The following CELSR1 variants were observed in gnomAD, a reference collection of about 807,000 sequenced individuals.
The protein encoded by CELSR1 is adhesion G protein-coupled receptor C1.
In CELSR1, 110 loss-of-function variants were observed where a neutral mutation model predicts 249.1. That is an observed-to-expected ratio of 0.44 (90% CI 0.38 to 0.52). The LOEUF is 0.52. Ranked by LOEUF, CELSR1 falls within the 20% of genes least tolerant of loss-of-function variation. The probability of loss-of-function intolerance (pLI) is 0.00; values close to 1 mark genes in which losing one functional copy is unlikely to be tolerated. For missense variants in CELSR1, 4,109 were observed against 4,296.4 expected, an observed-to-expected ratio of 0.96 and a Z score of 1.22; for synonymous variants, 2,113 against 1,900.0, an observed-to-expected ratio of 1.11 and a Z score of -2.92.
Position 46,399,543 on chromosome 22 carries a change from G to T in CELSR1, c.5412+174C>A, listed in dbSNP as rs1206150376. ...GCATCCGGATGAAGGAGGTGAGGAA[G>T]ATGCCAGTGACCTCAGTACAGGGCA... On this transcript the variant is annotated intron_variant, in intron 10 of 34. Transcript: ENST00000674500. This position sits in a 1 kb window ranked among gnomAD's most constrained non-coding sequence, Gnocchi z 5.0. 6.6e-6 allele frequency among the ~76,000 whole-genome samples: 1 copy of T among 152,230 alleles called. No individual in the cohort carries two copies. Among genetic ancestry groups the T allele is most frequent in the African/African-American group, 2.4e-5 (1 of 41,460 alleles).
intron 1 of CELSR1, among the ~76,000 whole-genome samples, chr22:46,519,872 C>CT (rs369906485): frequency 0.011 from 1,554 of 138,856 alleles, 20 homozygotes; most frequent in African/African-American, 0.019. Context: ...ACCCCTATTG[C>CT]TTTTTTTTTT....
intron 5 of CELSR1, among the ~76,000 whole-genome samples, chr22:46,424,386 T>G (rs1479911967): frequency 6.6e-6 from 1 of 152,180 alleles, no homozygotes; most frequent in East Asian, 1.9e-4. Context: ...GCCTGAAAGT[T>G]ATTTTGATGA....
At chr22:46,520,795 C>T (rs1272176104) in intron 1 of CELSR1, among the ~76,000 whole-genome samples, 1 of 152,070 alleles carries the variant, frequency 6.6e-6, no homozygotes, top group African/African-American at 2.4e-5. Flanking sequence ...GCATGAAGTA[C>T]CTTTACACTG....
chr22:46,455,820 T>TA (rs2079942492), intron 2 of CELSR1, among the ~76,000 whole-genome samples: 2 of 152,322 alleles, frequency 1.3e-5, no homozygotes, highest in African/African-American at 4.8e-5. Flanking sequence ...GAACAGGAGA[T>TA]ATCTGGCTAC....
chr22:46,449,354 C>T (rs549324505), intron 2 of CELSR1, among the ~76,000 whole-genome samples: 1 of 149,876 alleles, frequency 6.7e-6, no homozygotes, highest in East Asian at 2.0e-4. Context: ...ATCCATCCAA[C>T]CACCCATCAC....
chr22:46,458,517 C>A (rs1227654221), intron 2 of CELSR1, among the ~76,000 whole-genome samples: 2 of 152,176 alleles, frequency 1.3e-5, no homozygotes, highest in East Asian at 3.9e-4. Context: ...AGAGGCTGAA[C>A]GTGGGGCCAA....
At position 46,500,969 on chromosome 22, in the gene CELSR1, T is replaced by C. The variant is rs1292524043; in HGVS notation, c.3544+32658A>G. Among the ~76,000 whole-genome samples the C allele has an allele frequency of 6.6e-6, 1 of 152,154 alleles. No homozygotes were observed. ...CCTCCAGAGACCCAAAGATCTGAAA[T>C]GTTAAGATGTTTCCACTAAGAAAAG... On this transcript the variant is annotated intron_variant, in intron 1 of 34. Transcript: ENST00000674500. The surrounding 1 kb of genome is among the most constrained non-coding windows in gnomAD (Gnocchi z 4.9).
Position 46,411,491 on chromosome 22 carries a change from G to T in CELSR1, c.4769+111C>A. On this transcript the variant is annotated intron_variant, in intron 6 of 34. Coordinates refer to ENST00000674500, the MANE Select transcript of CELSR1 (RefSeq NM_001378328.1). The surrounding 1 kb of genome is among the most constrained non-coding windows in gnomAD (Gnocchi z 4.2). ...TCTGACTCTAGCCTGGAATGAGGTCGCCAGGGCACTGCACCCAGAGTGCCT... is the reference window on the plus strand; with the variant it reads ...TCTGACTCTAGCCTGGAATGAGGTCTCCAGGGCACTGCACCCAGAGTGCCT... 1.6e-6 allele frequency: 2 copies of T among 1,264,416 alleles called. No homozygotes were observed. The highest frequency in any genetic ancestry group is 2.2e-6 in the Non-Finnish European group (2 of 918,352). The allele number at this position is 1,264,416 out of a possible 1,614,324, so 78.3% of individuals were successfully genotyped here. A position where few individuals can be genotyped will look rare whatever the true frequency, so the allele number is the denominator to read the frequency against.
intron 1 of CELSR1, among the ~76,000 whole-genome samples, chr22:46,514,522 G>A (rs1056613444): frequency 1.3e-5 from 2 of 152,138 alleles, no homozygotes; most frequent in African/African-American, 4.8e-5. Flanking sequence ...GGGAGTGGGG[G>A]CATGAAGGAT....
At position 46,378,574 on chromosome 22, in the gene CELSR1, C is replaced by T. The variant is rs563327801; in HGVS notation, c.7383+17G>A. The T allele has an allele frequency of 4.5e-6, 7 of 1,552,572 alleles. No individual in the cohort carries two copies. The South Asian group carries it at 5.9e-5, about 13-fold the overall frequency. On this transcript the variant is annotated intron_variant, in intron 23 of 34. Coordinates refer to ENST00000674500, the MANE Select transcript of CELSR1 (RefSeq NM_001378328.1). Reference sequence around the variant, plus strand: ...CGGTAGGCCCAGAGGGCACAGTGGCCACGGGAGGATGCCCACCTCACGCCT... The same window carrying T: ...CGGTAGGCCCAGAGGGCACAGTGGCTACGGGAGGATGCCCACCTCACGCCT...
intron 23 of CELSR1, among the ~76,000 whole-genome samples, chr22:46,377,875 C>T (rs1221539951): frequency 3.3e-5 from 5 of 152,210 alleles, no homozygotes; most frequent in East Asian, 1.9e-4. Flanking sequence ...AAAAAGCCCT[C>T]GGAAAGGACA....
In CELSR1 at chr22:46,502,929, A is replaced by C. The variant is rs1009299970; in HGVS notation, c.3544+30698T>G. 2.0e-5 allele frequency among the ~76,000 whole-genome samples: 3 copies of C among 152,178 alleles called. No individual in the cohort carries two copies. In the East Asian group the frequency reaches 5.8e-4, roughly 29 times the overall value. On this transcript the variant is annotated intron_variant, in intron 1 of 34. Coordinates refer to ENST00000674500, the MANE Select transcript of CELSR1 (RefSeq NM_001378328.1). Reference sequence around the variant, plus strand: ...ATTCCCGGGAGACAGCAAGCTGCACAAGAGTGTGCACCCCGGGAGCAGGTC... The same window carrying C: ...ATTCCCGGGAGACAGCAAGCTGCACCAGAGTGTGCACCCCGGGAGCAGGTC...
intron 5 of CELSR1, among the ~76,000 whole-genome samples, chr22:46,426,959 C>T (rs533037171): frequency 6.6e-6 from 1 of 152,224 alleles, no homozygotes; most frequent in East Asian, 1.9e-4. Context: ...CCAGGCAGCA[C>T]GAATGGGCTG....
In CELSR1 at chr22:46,506,414, T is replaced by C. The variant is rs1334225271; in HGVS notation, c.3544+27213A>G. On this transcript the variant is annotated intron_variant, in intron 1 of 34. Transcript: ENST00000674500. The surrounding 1 kb of genome is among the most constrained non-coding windows in gnomAD (Gnocchi z 4.1). The stretch of plus-strand genomic sequence containing the variant: ...CCCTCAGTTTCCCAGATCTCAGACT[T>C]GGGCTCAACCCCTGCAGGCCTCACA... Among the ~76,000 whole-genome samples, 1 of 152,114 alleles carries C rather than the reference T, an allele frequency of 6.6e-6. No individual in the cohort carries two copies. The highest frequency in any genetic ancestry group is 2.4e-5 in the African/African-American group (1 of 41,420).
In CELSR1 at chr22:46,468,067, C is replaced by T. The variant is rs536043895; in HGVS notation, c.3545-3722G>A. On this transcript the variant is annotated intron_variant, in intron 1 of 34. Transcript: ENST00000674500. This position sits in a 1 kb window ranked among gnomAD's most constrained non-coding sequence, Gnocchi z 4.5. ...AGAGCTGAAACATGGAAGTGACCTG[C>T]GTCCACCGACAGATTAACGGATTAA... Among the ~76,000 whole-genome samples, 4 of 152,194 alleles carry T rather than the reference C, an allele frequency of 2.6e-5. No individual in the cohort carries two copies. The South Asian group carries it at 6.2e-4, about 24-fold the overall frequency.
At chr22:46,516,133 T>C (rs989985567) in intron 1 of CELSR1, among the ~76,000 whole-genome samples, 2 of 152,174 alleles carry the variant, frequency 1.3e-5, no homozygotes, top group African/African-American at 2.4e-5. Context: ...TTATAAATCA[T>C]GCTGCTATAA....
chr22:46,363,724 C>A lies in CELSR1; in HGVS notation c.9035+272G>T. 5.7e-6 allele frequency: 3 copies of A among 522,384 alleles called. No homozygotes were observed. The highest frequency in any genetic ancestry group is 1.0e-5 in the Non-Finnish European group (3 of 297,616). The allele number at this position is 522,384 out of a possible 1,614,324, so 32.4% of individuals were successfully genotyped here. On this transcript the variant is annotated intron_variant, in intron 34 of 34. Coordinates refer to ENST00000674500, the MANE Select transcript of CELSR1 (RefSeq NM_001378328.1). The surrounding 1 kb of genome is among the most constrained non-coding windows in gnomAD (Gnocchi z 4.3). ...TGCTGATCAAACGCAGAGCCCAGCA[C>A]CTTAGGTCCTAGCATTTTGGGGCTG...
chr22:46,502,285 G>A (rs2080473120), intron 1 of CELSR1, among the ~76,000 whole-genome samples: 1 of 136,610 alleles, frequency 7.3e-6, no homozygotes, highest in African/African-American at 2.8e-5. Flanking sequence ...GGAAGGGAAG[G>A]GGAAGGGAGG....
At position 46,430,257 on chromosome 22, in the gene CELSR1, G is replaced by A. The variant is rs2079579499; in HGVS notation, c.4611+3136C>T. ...CGCACCAATGCTTCCACCCTCTCCA[G>A]ACTGCTGTATGCTGAATTTTTTCAA... On this transcript the variant is annotated intron_variant, in intron 5 of 34. Transcript: ENST00000674500. The surrounding 1 kb of genome is among the most constrained non-coding windows in gnomAD (Gnocchi z 4.6). 6.6e-6 allele frequency among the ~76,000 whole-genome samples: 1 copy of A among 152,230 alleles called. No homozygotes were observed. Among genetic ancestry groups the A allele is most frequent in the Non-Finnish European group, 1.5e-5 (1 of 68,036 alleles).
Sources: allele counts gnomAD v4.1 joint callset (sites outside exome capture counted in the v4.1 genomes callset), GRCh38; gene constraint gnomAD v4.1.1; non-coding constraint Gnocchi (gnomAD v3.1); transcripts MANE v1.5; gene names NCBI Gene and HGNC (gene_info 2026-07-23, HGNC 2026-07-21).